Variants in TEAD1 observed in about 807,000 individuals in gnomAD.
The protein encoded by TEAD1 is transcriptional enhancer factor TEF-1.
In TEAD1, 9 loss-of-function variants were observed where a neutral mutation model predicts 54.9. The ratio of observed to expected loss-of-function variants is 0.16; its 90% CI spans 0.10 to 0.29. The LOEUF (loss-of-function observed/expected upper bound fraction) is 0.29. Among genes scored for constraint, TEAD1 ranks in the 10% least tolerant of loss-of-function variants. The pLI is 1.00. For missense variants in TEAD1, 387 were observed against 535.9 expected (o/e 0.72, Z 2.74); for synonymous variants, 200 against 187.8 (o/e 1.07, Z -0.53).
At chr11:12,710,521 G>A (rs747016464) in intron 2 of TEAD1, among the ~76,000 whole-genome samples, 9 of 152,022 alleles carry the variant, frequency 5.9e-5, no homozygotes, top group East Asian at 1.9e-4. Flanking sequence ...GCAAATAGAG[G>A]GCGGTACAGT....
intron 2 of TEAD1, among the ~76,000 whole-genome samples, chr11:12,699,105 A>G (rs1943644096): frequency 1.3e-5 from 2 of 152,356 alleles, no homozygotes; most frequent in African/African-American, 4.8e-5. Flanking sequence ...TTGGACTGGT[A>G]TAAGGAGCGA....
At chr11:12,692,864 G>C (rs972791548) in intron 2 of TEAD1, among the ~76,000 whole-genome samples, 4 of 152,298 alleles carry the variant, frequency 2.6e-5, no homozygotes, top group South Asian at 2.1e-4. Flanking sequence ...CCTGCACTTT[G>C]GCCTTGCCTG....
At chr11:12,744,531 G>A (rs1481524195) in intron 2 of TEAD1, among the ~76,000 whole-genome samples, 1 of 152,268 alleles carries the variant, frequency 6.6e-6, no homozygotes, top group Non-Finnish European at 1.5e-5. Context: ...GGAATAATTA[G>A]TGTAAGAAAG....
At chr11:12,694,949 A>G (rs1757201562) in intron 2 of TEAD1, among the ~76,000 whole-genome samples, 1 of 152,234 alleles carries the variant, frequency 6.6e-6, no homozygotes, top group South Asian at 2.1e-4. Context: ...TATTGATGCT[A>G]CCTTTTAAAT....
At chr11:12,792,912 C>T (rs918516302) in intron 3 of TEAD1, among the ~76,000 whole-genome samples, 4 of 151,974 alleles carry the variant, frequency 2.6e-5, no homozygotes, top group South Asian at 2.1e-4. Context: ...AAAAATTAGC[C>T]GGGAATGATG....
intron 3 of TEAD1, among the ~76,000 whole-genome samples, chr11:12,860,855 GCAA>G (rs1947485169): frequency 5.3e-5 from 8 of 152,204 alleles, no homozygotes; most frequent in Non-Finnish European, 1.0e-4. Flanking sequence ...GTAGAACAAG[GCAA>G]CCAAACCTAG....
chr11:12,760,626 A>T (rs1945081163), intron 2 of TEAD1, among the ~76,000 whole-genome samples: 1 of 152,172 alleles, frequency 6.6e-6, no homozygotes, highest in Non-Finnish European at 1.5e-5. Flanking sequence ...ACTCATTTAG[A>T]TTTTAATATT....
At position 12,764,173 on chromosome 11, in the gene TEAD1, T is replaced by C; in HGVS notation, c.-54-6T>C. 1 of 1,574,206 alleles carries C rather than the reference T, an allele frequency of 6.4e-7. No individual in the cohort carries two copies. The highest frequency in any genetic ancestry group is 2.2e-5 in the East Asian group (1 of 44,728). ...TCCTTATACTGTTTTTGGTTTTCTCTTCTAGGTTTATTTTCTTGAAAAGGC... is the reference window on the plus strand; with the variant it reads ...TCCTTATACTGTTTTTGGTTTTCTCCTCTAGGTTTATTTTCTTGAAAAGGC... On this transcript the variant is annotated splice_region_variant and splice_polypyrimidine_tract_variant and intron_variant, in intron 2 of 12. Coordinates refer to ENST00000527636, the MANE Select transcript of TEAD1 (RefSeq NM_021961.6).
At chr11:12,879,932 A>T in intron 6 of TEAD1, 90 bp downstream of exon 6, 1 of 1,592,046 alleles carries the variant, frequency 6.3e-7, no homozygotes, top group Non-Finnish European at 8.6e-7. Context: ...ATTTCTTGTC[A>T]TGTGGGTCAG....
intron 2 of TEAD1, among the ~76,000 whole-genome samples, chr11:12,754,601 G>GT (rs987233145): frequency 6.6e-6 from 1 of 152,166 alleles, no homozygotes; most frequent in East Asian, 1.9e-4. Flanking sequence ...ACAGGAAAGA[G>GT]TTTTTTCCTT....
intron 3 of TEAD1, among the ~76,000 whole-genome samples, chr11:12,825,867 T>TTG (rs1392565375): frequency 1.3e-5 from 2 of 152,244 alleles, no homozygotes; most frequent in African/African-American, 4.8e-5. Context: ...ACCATTACAT[T>TTG]ATTGTCAATT....
At chr11:12,883,865 C>G (rs534226197) in intron 9 of TEAD1, among the ~76,000 whole-genome samples, 1 of 151,710 alleles carries the variant, frequency 6.6e-6, no homozygotes, top group Non-Finnish European at 1.5e-5. Context: ...TACATGGCCA[C>G]GCACATGTAG....
At chr11:12,718,630 GTAA>G (rs1455759983) in intron 2 of TEAD1, among the ~76,000 whole-genome samples, 2 of 151,886 alleles carry the variant, frequency 1.3e-5, no homozygotes, top group Non-Finnish European at 2.9e-5. Flanking sequence ...TTGAAGTTGT[GTAA>G]TAATAATGTG....
At chr11:12,931,998 G>T (rs536326230) in intron 12 of TEAD1, among the ~76,000 whole-genome samples, 1 of 152,172 alleles carries the variant, frequency 6.6e-6, no homozygotes, top group African/African-American at 2.4e-5. Context: ...GAAATGAGCC[G>T]CAAGGACTCT....
chr11:12,790,010 TG>T (rs2133960125), intron 3 of TEAD1, among the ~76,000 whole-genome samples: 1 of 152,400 alleles, frequency 6.6e-6, no homozygotes, highest in South Asian at 2.1e-4. Flanking sequence ...GACAGCTTTC[TG>T]CTTAAGCAGT....
At chr11:12,687,836 AC>A (rs1193514217) in intron 2 of TEAD1, among the ~76,000 whole-genome samples, 6 of 151,312 alleles carry the variant, frequency 4.0e-5, no homozygotes, top group Non-Finnish European at 8.8e-5. Context: ...AGTACCCCTC[AC>A]CCCCGTGACT....
intron 3 of TEAD1, among the ~76,000 whole-genome samples, chr11:12,797,348 G>A (rs201029271): frequency 1.3e-5 from 2 of 152,180 alleles, no homozygotes; most frequent in East Asian, 3.9e-4. Flanking sequence ...GCTCATTTCA[G>A]TCTGGGGTCT....
chr11:12,819,514 A>G (rs1946490317), intron 3 of TEAD1, among the ~76,000 whole-genome samples: 3 of 151,984 alleles, frequency 2.0e-5, no homozygotes, highest in African/African-American at 7.3e-5. Flanking sequence ...TAGTGGCGCG[A>G]TCTCGGCTCA....
At chr11:12,920,114 C>T (rs895067488) in intron 10 of TEAD1, among the ~76,000 whole-genome samples, 2 of 152,110 alleles carry the variant, frequency 1.3e-5, no homozygotes, top group Non-Finnish European at 2.9e-5. Context: ...TTTTAAATAA[C>T]TGAAGTAGAG....
Sources: allele counts gnomAD v4.1 joint callset (sites outside exome capture counted in the v4.1 genomes callset), GRCh38; gene constraint gnomAD v4.1.1; transcripts MANE v1.5; gene names NCBI Gene and HGNC (gene_info 2026-07-23, HGNC 2026-07-21).